AGO2: variants seen among roughly 807,000 people sequenced by gnomAD.
The protein encoded by AGO2 is protein argonaute-2.
A neutral mutation model predicts 102.3 loss-of-function variants in AGO2; 5 were observed. That is an observed-to-expected ratio of 0.05 (90% CI 0.03 to 0.10). AGO2 has a LOEUF of 0.10. AGO2 is among the 10% of genes least tolerant of loss of function. The pLI, the probability that AGO2 is intolerant of heterozygous loss-of-function variation, is 1.00. For synonymous variants in AGO2, 449 were observed against 473.1 expected (o/e 0.95, Z 0.66); for missense variants, 541 against 1,183.7 (o/e 0.46, Z 7.97).
At position 140,522,183 on chromosome 8, in the gene AGO2, CAAAT is replaced by C. The variant is rs1056979510; in HGVS notation, c.*9857_*9860del. 35 of 152,046 alleles carry C rather than the reference CAAAT, an allele frequency of 2.3e-4. No individual in the cohort carries two copies. The highest frequency in any genetic ancestry group is 2.6e-4 in the Admixed American group (4 of 15,256). The allele number at this position is 152,046 out of a possible 1,614,324, so 9.4% of individuals were successfully genotyped here. A position where few individuals can be genotyped will look rare whatever the true frequency, so the allele number is the denominator to read the frequency against. On this transcript the variant is annotated 3_prime_UTR_variant, in exon 19 of 19. Coordinates refer to ENST00000220592, the MANE Select transcript of AGO2 (RefSeq NM_012154.5). Reference sequence around the variant, plus strand: ...GCATTGGGGTTCAACATAAAAGGCACAAATAAATAAAAATATCATTAAATAAACG... The same window carrying C: ...GCATTGGGGTTCAACATAAAAGGCACAAATAAAAATATCATTAAATAAACG...
chr8:140,563,793 G>A (rs1465027718), intron 3 of AGO2, among the ~76,000 whole-genome samples: 1 of 152,210 alleles, frequency 6.6e-6, no homozygotes, highest in Non-Finnish European at 1.5e-5. Flanking sequence ...CCCAGGTCCA[G>A]TGTTGTTTGG....
chr8:140,588,573 AG>A (rs2073696052), intron 1 of AGO2, among the ~76,000 whole-genome samples: 1 of 124,168 alleles, frequency 8.1e-6, no homozygotes, highest in Admixed American at 8.8e-5. Context: ...GGAAGGAGGG[AG>A]GGAGTAAAGA....
At chr8:140,637,152 T>C (rs1352298916), upstream of AGO2, 1 of 150,712 alleles carries the variant, frequency 6.6e-6, no homozygotes, top group Non-Finnish European at 1.5e-5. Flanking sequence ...ACTGCACTTT[T>C]ACTTTATATG....
intron 3 of AGO2, among the ~76,000 whole-genome samples, chr8:140,564,281 C>G (rs2073246107): frequency 7.1e-6 from 1 of 140,132 alleles, no homozygotes; most frequent in South Asian, 2.2e-4. Context: ...CTCATCAGGA[C>G]AGCGGAGGGG....
At chr8:140,584,136 TA>T (rs11361657) in intron 2 of AGO2, among the ~76,000 whole-genome samples, 57,505 of 116,844 alleles carry the variant, frequency 0.49, 12,937 homozygotes, top group Non-Finnish European at 0.6. Flanking sequence ...AGAAACTCAG[TA>T]AAAAAAAAAA....
rs2072564797 is a variant in AGO2, at chr8:140,530,137, C to T, written c.*1907G>A. 2 of 140,492 alleles carry T rather than the reference C, an allele frequency of 1.4e-5. No individual in the cohort carries two copies. Among genetic ancestry groups the T allele is most frequent in the Middle Eastern group, 3.5e-3 (1 of 286 alleles). The allele number at this position is 140,492 out of a possible 1,614,324, so 8.7% of individuals were successfully genotyped here. A position where few individuals can be genotyped will look rare whatever the true frequency, so the allele number is the denominator to read the frequency against. On this transcript the variant is annotated 3_prime_UTR_variant, in exon 19 of 19. Transcript: ENST00000220592. ...ACTAATGCCATTAATAAGACACTCA[C>T]ACACAGGGACACACGCATGCACACA...
intron 3 of AGO2, among the ~76,000 whole-genome samples, chr8:140,570,107 T>C (rs560449531): frequency 1.3e-5 from 2 of 152,360 alleles, no homozygotes; most frequent in African/African-American, 4.8e-5. Flanking sequence ...CCTGCAGAGA[T>C]CCTACAGAAC....
At chr8:140,624,128 C>T (rs1588515177) in intron 1 of AGO2, among the ~76,000 whole-genome samples, 1 of 152,286 alleles carries the variant, frequency 6.6e-6, no homozygotes, top group East Asian at 1.9e-4. Context: ...GACACTCACA[C>T]TGGCTTGCAT....
chr8:140,581,024 C>T (rs2073548930), intron 2 of AGO2, among the ~76,000 whole-genome samples: 2 of 152,252 alleles, frequency 1.3e-5, no homozygotes, highest in South Asian at 4.1e-4. Flanking sequence ...GAAGCCTTGG[C>T]CATGCCTAGT....
intron 1 of AGO2, among the ~76,000 whole-genome samples, chr8:140,595,464 A>G (rs2073811866): frequency 6.6e-6 from 1 of 150,932 alleles, no homozygotes; most frequent in Non-Finnish European, 1.5e-5. Flanking sequence ...ATCTTATTTT[A>G]TTTATTATTT....
At chr8:140,621,917 C>A (rs578255087) in intron 1 of AGO2, among the ~76,000 whole-genome samples, 1 of 152,150 alleles carries the variant, frequency 6.6e-6, no homozygotes, top group South Asian at 2.1e-4. Flanking sequence ...GACCATCTCA[C>A]CTAGCCCATG....
At chr8:140,577,065 G>C (rs551572845) in intron 2 of AGO2, among the ~76,000 whole-genome samples, 1 of 152,004 alleles carries the variant, frequency 6.6e-6, no homozygotes, top group Admixed American at 6.6e-5. Context: ...AAAATTAGCT[G>C]GACGTGGTGG....
At chr8:140,546,991 C>T (rs2072912429) in intron 13 of AGO2, among the ~76,000 whole-genome samples, 1 of 152,220 alleles carries the variant, frequency 6.6e-6, no homozygotes, top group South Asian at 2.1e-4. Flanking sequence ...GTGGCCAGCG[C>T]TTGGCCACAT....
chr8:140,558,969 G>A (rs779952546), intron 6 of AGO2, among the ~76,000 whole-genome samples: 16 of 152,178 alleles, frequency 1.1e-4, no homozygotes, highest in Non-Finnish European at 1.9e-4. Flanking sequence ...GAAGGACCCC[G>A]GGTAAGTCCT....
intron 1 of AGO2, among the ~76,000 whole-genome samples, chr8:140,604,713 G>A (rs552053191): frequency 6.6e-6 from 1 of 151,854 alleles, no homozygotes; most frequent in African/African-American, 2.4e-5. Context: ...TGTAGTCCCA[G>A]CTACATGGGG....
chr8:140,603,444 C>T (rs2073957312), intron 1 of AGO2, among the ~76,000 whole-genome samples: 2 of 152,378 alleles, frequency 1.3e-5, no homozygotes, highest in South Asian at 4.1e-4. Flanking sequence ...CACATCCACA[C>T]TGTTGTGTAA....
At chr8:140,620,915 C>T (rs2074209495) in intron 1 of AGO2, among the ~76,000 whole-genome samples, 1 of 152,114 alleles carries the variant, frequency 6.6e-6, no homozygotes, top group Non-Finnish European at 1.5e-5. Flanking sequence ...ATCTGGTCTC[C>T]TTTTCTTTTT....
At chr8:140,561,997 G>GC (rs1186224271) in intron 4 of AGO2, among the ~76,000 whole-genome samples, 12 of 152,188 alleles carry the variant, frequency 7.9e-5, no homozygotes, top group Non-Finnish European at 1.5e-4. Context: ...CCCAGCAATC[G>GC]CAAGTGTGGC....
chr8:140,560,793 G>A (rs1032049942), intron 4 of AGO2, among the ~76,000 whole-genome samples: 2 of 152,220 alleles, frequency 1.3e-5, no homozygotes, highest in African/African-American at 4.8e-5. Flanking sequence ...AGGACCTGGC[G>A]TGTTTCTGGT....
Sources: gnomAD v4.1 joint callset for allele counts (sites outside exome capture counted in the v4.1 genomes callset) on GRCh38, gnomAD v4.1.1 for gene constraint, MANE v1.5 for transcripts, NCBI Gene and HGNC (gene_info 2026-07-23, HGNC 2026-07-21) for gene names.